COBL: variants seen among roughly 807,000 people sequenced by gnomAD.
COBL encodes the protein cordon-bleu WH2 repeat protein.
COBL carries 51 observed loss-of-function variants against 98.8 expected under a neutral mutation model. That is an observed-to-expected ratio of 0.52 (90% CI 0.41 to 0.65). The LOEUF (loss-of-function observed/expected upper bound fraction) is 0.65, where lower values mean the gene tolerates loss of function less well. COBL is among the 30% of genes least tolerant of loss of function. COBL has a pLI of 0.00. For missense variants in COBL, 1,617 were observed against 1,617.5 expected, an observed-to-expected ratio of 1.00 and a Z score of 0.01; for synonymous variants, 634 against 651.7, an observed-to-expected ratio of 0.97 and a Z score of 0.41.
At chr7:51,236,318 T>A (rs918496551) in intron 1 of COBL, among the ~76,000 whole-genome samples, 8 of 152,068 alleles carry the variant, frequency 5.3e-5, no homozygotes, top group African/African-American at 1.9e-4. Flanking sequence ...TGGGCAGAAA[T>A]GAGAAATCTT....
intron 6 of COBL, among the ~76,000 whole-genome samples, chr7:51,112,371 A>C (rs1796910374): frequency 6.6e-6 from 1 of 152,202 alleles, no homozygotes; most frequent in South Asian, 2.1e-4. Context: ...GATATGGACC[A>C]TTTAAAAATA....
chr7:51,308,617 G>T (rs1328419431), intron 1 of COBL, among the ~76,000 whole-genome samples: 2 of 152,124 alleles, frequency 1.3e-5, no homozygotes, highest in African/African-American at 4.8e-5. Context: ...ATAAGACAAC[G>T]CTTTGCCAAT....
intron 8 of COBL, among the ~76,000 whole-genome samples, chr7:51,036,458 TG>T (rs1304020784): frequency 6.6e-6 from 1 of 151,404 alleles, no homozygotes; most frequent in Non-Finnish European, 1.5e-5. Context: ...AGGTTCTAGG[TG>T]GTGCCAAATG....
At chr7:51,061,851 CCGG>C (rs1215077713) in intron 7 of COBL, among the ~76,000 whole-genome samples, 4 of 151,904 alleles carry the variant, frequency 2.6e-5, no homozygotes, top group African/African-American at 4.8e-5. Flanking sequence ...CACCAGCTTT[CCGG>C]GGTCTCCAGC....
chr7:51,027,445 G>A (rs1787684790), intron 10 of COBL, among the ~76,000 whole-genome samples: 1 of 152,202 alleles, frequency 6.6e-6, no homozygotes, highest in Non-Finnish European at 1.5e-5. Context: ...GGACATCACT[G>A]GCTGTTACCT....
Position 51,063,645 on chromosome 7 carries a change from C to T in COBL, c.1097-19953G>A, listed in dbSNP as rs183017763. On this transcript the variant is annotated intron_variant, in intron 7 of 12. Transcript: ENST00000265136. ...CGAAGACCCTGAGGAAACCTGGTGCCTACATGTGCCTGCAAGAAGCAGCTA... is the reference window on the plus strand; with the variant it reads ...CGAAGACCCTGAGGAAACCTGGTGCTTACATGTGCCTGCAAGAAGCAGCTA... 6.7e-4 allele frequency among the ~76,000 whole-genome samples: 102 copies of T among 152,318 alleles called. 1 individual carries two copies. In the East Asian group the frequency reaches 0.015, roughly 22 times the overall value.
At chr7:51,094,696 G>A (rs1795119019) in intron 6 of COBL, among the ~76,000 whole-genome samples, 1 of 152,080 alleles carries the variant, frequency 6.6e-6, no homozygotes, top group South Asian at 2.1e-4. Context: ...CTCTCTGATG[G>A]AGTAACTATA....
chr7:51,292,825 G>A (rs1801035930), intron 1 of COBL, among the ~76,000 whole-genome samples: 1 of 152,244 alleles, frequency 6.6e-6, no homozygotes, highest in South Asian at 2.1e-4. Flanking sequence ...TGAGTAAAGA[G>A]GAGCAGGGCC....
intron 6 of COBL, among the ~76,000 whole-genome samples, chr7:51,129,873 A>G (rs1798571052): frequency 6.6e-6 from 1 of 152,214 alleles, no homozygotes; most frequent in Non-Finnish European, 1.5e-5. Context: ...GTCTCTGTTT[A>G]GATACCTGTT....
intron 7 of COBL, among the ~76,000 whole-genome samples, chr7:51,050,779 C>A (rs1030991300): frequency 1.3e-5 from 2 of 152,184 alleles, no homozygotes; most frequent in Admixed American, 1.3e-4. Context: ...AAAGATTAGT[C>A]TCTTGGAAGT....
chr7:51,053,936 T>C (rs935080409), intron 7 of COBL, among the ~76,000 whole-genome samples: 4 of 152,250 alleles, frequency 2.6e-5, no homozygotes, highest in African/African-American at 9.6e-5. Context: ...ATCCCAGCAC[T>C]TTGGGAGGCC....
chr7:51,123,316 T>C (rs1797913011), intron 6 of COBL, among the ~76,000 whole-genome samples: 1 of 152,208 alleles, frequency 6.6e-6, no homozygotes, highest in African/African-American at 2.4e-5. Context: ...TTCTTGAGTT[T>C]ATGTATATTT....
intron 6 of COBL, among the ~76,000 whole-genome samples, chr7:51,098,215 T>C (rs1179465485): frequency 1.5e-5 from 2 of 137,008 alleles, no homozygotes; most frequent in African/African-American, 5.5e-5. Flanking sequence ...AAAATCCCAA[T>C]AGCAGTTTCT....
In COBL at chr7:51,028,279, G is replaced by A; in HGVS notation, c.2817C>T (p.Asn939=). The stretch of plus-strand genomic sequence containing the variant: ...CTCCCACTGCCAAATCTTCCCCGTG[G>A]TTGTTGGGAGGAGTGACACAGGGCC... ...AQWPCVTPPN[N]HGEDLAVGAP... Residue 939 remains asparagine, a synonymous_variant, in exon 10 of 13, where the codon AAC becomes AAT. Transcript: ENST00000265136. 1.2e-6 allele frequency: 2 copies of A among 1,614,206 alleles called. No homozygotes were observed. The highest frequency in any genetic ancestry group is 1.7e-6 in the Non-Finnish European group (2 of 1,180,022).
intron 1 of COBL, among the ~76,000 whole-genome samples, chr7:51,295,549 C>A (rs1801349099): frequency 6.6e-6 from 1 of 152,218 alleles, no homozygotes; most frequent in Non-Finnish European, 1.5e-5. Context: ...CAGACTGTCA[C>A]TGACAACAAC....
chr7:51,122,784 G>A (rs1356508243), intron 6 of COBL, among the ~76,000 whole-genome samples: 1 of 152,102 alleles, frequency 6.6e-6, no homozygotes, highest in Non-Finnish European at 1.5e-5. Context: ...TTCGAGACCA[G>A]CCTGTGCAAC....
At chr7:51,235,904 C>T (rs1160737813) in intron 1 of COBL, among the ~76,000 whole-genome samples, 1 of 152,180 alleles carries the variant, frequency 6.6e-6, no homozygotes, top group East Asian at 1.9e-4. Flanking sequence ...CCCCACCATT[C>T]ACACAGTCCA....
At chr7:51,224,257 T>C (rs1359701408) in intron 1 of COBL, among the ~76,000 whole-genome samples, 1 of 152,212 alleles carries the variant, frequency 6.6e-6, no homozygotes, top group Non-Finnish European at 1.5e-5. Flanking sequence ...TGTATGACCG[T>C]ACTTAAAAAT....
intron 5 of COBL, among the ~76,000 whole-genome samples, chr7:51,159,597 AGGG>A (rs1786573209): frequency 6.6e-6 from 1 of 152,334 alleles, no homozygotes; most frequent in East Asian, 1.9e-4. Context: ...GTCATGTTTT[AGGG>A]GAACATACGG....
Sources: gnomAD v4.1 joint callset for allele counts (sites outside exome capture counted in the v4.1 genomes callset) on GRCh38, gnomAD v4.1.1 for gene constraint, MANE v1.5 for transcripts, NCBI Gene and HGNC (gene_info 2026-07-23, HGNC 2026-07-21) for gene names.